The following JAG1 variants were observed in gnomAD, a reference collection of about 807,000 sequenced individuals.
JAG1 encodes jagged canonical Notch ligand 1.
A neutral mutation model predicts 148.7 loss-of-function variants in JAG1; 23 were observed. The ratio of observed to expected loss-of-function variants is 0.15; its 90% CI spans 0.11 to 0.22. The LOEUF (loss-of-function observed/expected upper bound fraction) is 0.22, where lower values mean the gene tolerates loss of function less well. Among genes scored for constraint, JAG1 ranks in the 10% least tolerant of loss-of-function variants. JAG1 has a pLI of 1.00. For missense variants in JAG1, 1,054 were observed against 1,611.2 expected, an observed-to-expected ratio of 0.65 and a Z score of 5.92; for synonymous variants, 572 against 598.3, an observed-to-expected ratio of 0.96 and a Z score of 0.64.
At position 10,673,573 on chromosome 20, in the gene JAG1, T is replaced by A. The variant is rs969684105; in HGVS notation, c.-43A>T. On this transcript the variant is annotated 5_prime_UTR_variant, in exon 1 of 26. Transcript: ENST00000254958. This position sits in a 1 kb window ranked among gnomAD's most constrained non-coding sequence, Gnocchi z 4.7. ...CGGGCACTCGGGACGCCGCCGCTGC[T>A]GTTCGCGCTGGTGCTGCCGCCGGTG... The A allele has an allele frequency of 5.2e-6, 6 of 1,147,096 alleles. No homozygotes were observed. Among genetic ancestry groups the A allele is most frequent in the Non-Finnish European group, 6.6e-6 (6 of 907,830 alleles). The allele number at this position is 1,147,096 out of a possible 1,614,324, so 71.1% of individuals were successfully genotyped here.
rs2067512039 is a variant in JAG1, at chr20:10,673,371, T to C, written c.81+79A>G. The C allele has an allele frequency of 7.3e-6, 8 of 1,100,714 alleles. No individual in the cohort carries two copies. The highest frequency in any genetic ancestry group is 1.0e-5 in the Non-Finnish European group (8 of 791,986). The allele number at this position is 1,100,714 out of a possible 1,614,324, so 68.2% of individuals were successfully genotyped here. On this transcript the variant is annotated intron_variant, in intron 1 of 25. Coordinates refer to ENST00000254958, the MANE Select transcript of JAG1 (RefSeq NM_000214.3). The surrounding 1 kb of genome is among the most constrained non-coding windows in gnomAD (Gnocchi z 4.7). Reference sequence around the variant, plus strand: ...GGCGCTCGAGGGCTGCCGAGCCTGCTCGCGGGGCTCAACCGCCCAGGGCGC... The same window carrying C: ...GGCGCTCGAGGGCTGCCGAGCCTGCCCGCGGGGCTCAACCGCCCAGGGCGC...
Position 10,645,067 on chromosome 20 carries a change from A to C in JAG1, c.2227+76T>G. On this transcript the variant is annotated intron_variant, in intron 17 of 25. Coordinates refer to ENST00000254958, the MANE Select transcript of JAG1 (RefSeq NM_000214.3). This position sits in a 1 kb window ranked among gnomAD's most constrained non-coding sequence, Gnocchi z 6.1. ...AGAACCAGGCCCAGAGAAATATCAT[A>C]AGCTCCAGGGGCCAACCAGCAGACA... 6.6e-7 allele frequency: 1 copy of C among 1,517,106 alleles called. No individual in the cohort carries two copies. Among genetic ancestry groups the C allele is most frequent in the Non-Finnish European group, 9.2e-7 (1 of 1,091,698 alleles). 94.0% of individuals were successfully genotyped at this position (1,517,106 alleles called of 1,614,324 possible). A position where few individuals can be genotyped will look rare whatever the true frequency, so the allele number is the denominator to read the frequency against.
chr20:10,673,626 C>T lies in JAG1; in HGVS notation c.-96G>A. ...GCCGTCGCCGCTGCCCCTGCGGCCG[C>T]CGCGTCCCGGCTCTAATATACTCCG... On this transcript the variant is annotated 5_prime_UTR_variant, in exon 1 of 26. Coordinates refer to ENST00000254958, the MANE Select transcript of JAG1 (RefSeq NM_000214.3). This position sits in a 1 kb window ranked among gnomAD's most constrained non-coding sequence, Gnocchi z 4.7. 2 of 540,076 alleles carry T rather than the reference C, an allele frequency of 3.7e-6. No homozygotes were observed. Among genetic ancestry groups the T allele is most frequent in the South Asian group, 8.6e-5 (1 of 11,666 alleles). 33.5% of individuals were successfully genotyped at this position (540,076 alleles called of 1,614,324 possible).
At chr20:10,642,367 G>A (rs2067278317) in intron 21 of JAG1, 121 bp downstream of exon 21, 1 of 697,170 alleles carries the variant, frequency 1.4e-6, no homozygotes, top group African/African-American at 1.8e-5. Context: ...CCTTTCCCTT[G>A]TAGTCCCACT....
intron 12 of JAG1, 32 bp from the exon 13 acceptor site, chr20:10,648,142 G>A (rs1280737264): frequency 6.2e-7 from 1 of 1,613,866 alleles, no homozygotes. Context: ...AAAAGGGGGA[G>A]GGATCAGAGT....
intron 21 of JAG1, 91 bp from the exon 22 acceptor site, chr20:10,641,983 G>A: frequency 4.7e-6 from 4 of 857,050 alleles, no homozygotes; most frequent in Non-Finnish European, 8.1e-6. Flanking sequence ...GGTTATGCCT[G>A]TGCCCTTTGC....
chr20:10,646,215 G>A (rs2067307441), intron 14 of JAG1, 131 bp from the exon 15 acceptor site: 1 of 710,018 alleles, frequency 1.4e-6, no homozygotes, highest in Non-Finnish European at 2.5e-6. Flanking sequence ...CCTCCATCAG[G>A]GCTGTTTCTC....
intron 18 of JAG1, 53 bp from the exon 19 acceptor site, chr20:10,644,437 T>C (rs1179143751): frequency 1.4e-6 from 2 of 1,444,754 alleles, no homozygotes; most frequent in Non-Finnish European, 1.9e-6. Flanking sequence ...AAAGCGGTCT[T>C]AGCCCTAAGT....
At chr20:10,656,609 G>A (rs2067380909) in intron 4 of JAG1, 151 bp from the exon 5 acceptor site, 5 of 674,984 alleles carry the variant, frequency 7.4e-6, no homozygotes, top group Non-Finnish European at 1.3e-5. Context: ...AGATGGGAGG[G>A]GCCCAAATAA....
At chr20:10,664,370 G>A (rs2067437570) in intron 2 of JAG1, among the ~76,000 whole-genome samples, 1 of 96,790 alleles carries the variant, frequency 1.0e-5, no homozygotes, top group African/African-American at 4.9e-5. Flanking sequence ...TAGTGCATGA[G>A]GAAACACACA....
At chr20:10,670,776 G>A (rs1468072039) in intron 2 of JAG1, among the ~76,000 whole-genome samples, 1 of 152,124 alleles carries the variant, frequency 6.6e-6, no homozygotes, top group Admixed American at 6.6e-5. Flanking sequence ...TCCCCCATTC[G>A]AGAAAAGCCG....
intron 19 of JAG1, 107 bp from the exon 20 acceptor site, chr20:10,643,970 T>C: frequency 1.2e-6 from 1 of 845,544 alleles, no homozygotes; most frequent in Non-Finnish European, 2.0e-6. Context: ...TCTCACCCCA[T>C]GGCCGTTGCC....
chr20:10,668,960 G>A (rs1182195810), intron 2 of JAG1, among the ~76,000 whole-genome samples: 2 of 151,918 alleles, frequency 1.3e-5, no homozygotes, highest in Non-Finnish European at 2.9e-5. Context: ...AAGTACTGGA[G>A]GTTTGAATAA....
At chr20:10,647,150 G>A (rs774662337) in intron 13 of JAG1, 47 bp from the exon 14 acceptor site, 2 of 1,610,882 alleles carry the variant, frequency 1.2e-6, no homozygotes, top group East Asian at 2.2e-5. Flanking sequence ...ACCCACAGAT[G>A]CGGCATTCCT....
Position 10,651,732 on chromosome 20 carries a change from G to A in JAG1, c.1007-38C>T, listed in dbSNP as rs1489152001. On this transcript the variant is annotated intron_variant, in intron 7 of 25. Coordinates refer to ENST00000254958, the MANE Select transcript of JAG1 (RefSeq NM_000214.3). Reference sequence around the variant, plus strand: ...GGATGGCAGTCAGAGAGGGATGCCTGCACACCGTTACCTCCCCACACCCCC... The same window carrying A: ...GGATGGCAGTCAGAGAGGGATGCCTACACACCGTTACCTCCCCACACCCCC... 3.8e-6 allele frequency: 5 copies of A among 1,314,114 alleles called. No homozygotes were observed. In the South Asian group the frequency reaches 4.8e-5, roughly 13 times the overall value. The allele number at this position is 1,314,114 out of a possible 1,614,324, so 81.4% of individuals were successfully genotyped here. A position where few individuals can be genotyped will look rare whatever the true frequency, so the allele number is the denominator to read the frequency against.
In JAG1 at chr20:10,644,846, G is replaced by C. The variant is rs200933584; in HGVS notation, c.2344+17C>G. On this transcript the variant is annotated intron_variant, in intron 18 of 25. Transcript: ENST00000254958. ...CTCCGACAGCCCTGGGAGAGTTCAAGGGGGGAGGACACTCACTCTGAGCAC... is the reference window on the plus strand; with the variant it reads ...CTCCGACAGCCCTGGGAGAGTTCAACGGGGGAGGACACTCACTCTGAGCAC... 1 of 1,571,174 alleles carries C rather than the reference G, an allele frequency of 6.4e-7. No individual in the cohort carries two copies. Among genetic ancestry groups the C allele is most frequent in the Admixed American group, 1.7e-5 (1 of 59,976 alleles).
In JAG1 at chr20:10,645,467, T is replaced by A. The variant is rs367807001; in HGVS notation, c.2002A>T (p.Ile668Phe). 3 of 1,612,752 alleles carry A rather than the reference T, an allele frequency of 1.9e-6. No individual in the cohort carries two copies. The highest frequency in any genetic ancestry group is 2.5e-6 in the Non-Finnish European group (3 of 1,178,898). The change falls in exon 16 of 26, where the codon ATT becomes TTT. Residue 668 changes from isoleucine (I) to phenylalanine (F), a missense_variant and splice_region_variant. Transcript: ENST00000254958. This position sits in a 1 kb window ranked among gnomAD's most constrained non-coding sequence, Gnocchi z 6.1. ...CAGGGGTTCTGGCTGCAGTCATTAA[T>A]ATCTAGAATCAAAGGGGAGACAATC... Reference protein sequence around the residue: ...GWEGAYCETNINDCSQNPCHN... With the variant: ...GWEGAYCETNFNDCSQNPCHN...
At chr20:10,650,784 C>G in intron 8 of JAG1, 1 of 241,758 alleles carries the variant, frequency 4.1e-6, no homozygotes, top group Non-Finnish European at 8.2e-6. Flanking sequence ...AAATAGCACA[C>G]CTAGAGGCTG....
chr20:10,640,657 A>C lies in JAG1; in HGVS notation c.3199+126T>G, dbSNP rs6074164. On this transcript the variant is annotated intron_variant, in intron 25 of 25. Transcript: ENST00000254958. Reference sequence around the variant, plus strand: ...GTAAAGTAGGCTGCCCTCAGTTCTCAGTTAAATTGGGAGCTCCTGCGAGGG... The same window carrying C: ...GTAAAGTAGGCTGCCCTCAGTTCTCCGTTAAATTGGGAGCTCCTGCGAGGG... 135,309 of 964,992 alleles carry C rather than the reference A, an allele frequency of 0.14. 10,385 individuals carry two copies. The highest frequency in any genetic ancestry group is 0.16 in the African/African-American group (10,044 of 62,690). The allele number at this position is 964,992 out of a possible 1,614,324, so 59.8% of individuals were successfully genotyped here.
Sources: gnomAD v4.1 joint callset for allele counts (sites outside exome capture counted in the v4.1 genomes callset) on GRCh38, gnomAD v4.1.1 for gene constraint, Gnocchi (gnomAD v3.1) non-coding constraint, MANE v1.5 for transcripts, NCBI Gene and HGNC (gene_info 2026-07-23, HGNC 2026-07-21) for gene names.